The following SLC9A2 variants were observed in gnomAD, a reference collection of about 807,000 sequenced individuals.
The protein encoded by SLC9A2 is sodium/hydrogen exchanger 2.
In SLC9A2, 42 loss-of-function variants were observed where a neutral mutation model predicts 71.7. That is an observed-to-expected ratio of 0.59 (90% CI 0.46 to 0.76). The LOEUF (loss-of-function observed/expected upper bound fraction) is 0.76. SLC9A2 is among the 30% of genes least tolerant of loss of function. The probability of loss-of-function intolerance (pLI) is 0.00; values close to 1 mark genes in which losing one functional copy is unlikely to be tolerated. For missense variants in SLC9A2, 829 were observed against 1,017.4 expected (o/e 0.81, Z 2.52); for synonymous variants, 396 against 392.5 (o/e 1.01, Z -0.10).
rs1399930871 is a variant in SLC9A2, at chr2:102,619,967, C to T, written c.119C>T (p.Pro40Leu). 11 of 1,613,020 alleles carry T rather than the reference C, an allele frequency of 6.8e-6. No homozygotes were observed. The highest frequency in any genetic ancestry group is 2.2e-5 in the East Asian group (1 of 44,832). ...GALAETLLNA[P>L]RAMGTSSSPP... is the part of the protein sequence containing the mutation. ...CTGGCGGAGACCTTGCTGAACGCGCCGAGGGCCATGGGCACCAGTTCCAGC... is the reference window on the plus strand; with the variant it reads ...CTGGCGGAGACCTTGCTGAACGCGCTGAGGGCCATGGGCACCAGTTCCAGC... The change falls in exon 1 of 12, where the codon CCG becomes CTG. Residue 40 changes from proline to leucine, a missense_variant. Physicochemically the swap from Pro to Leu is moderately conservative, Grantham distance 98. This residue lies in a region of SLC9A2 where 106 missense variants were observed against 93.5 expected (regional missense o/e 1.13). Transcript: ENST00000233969. This position sits in a 1 kb window ranked among gnomAD's most constrained non-coding sequence, Gnocchi z 4.3.
rs1391317758 is a variant in SLC9A2, at chr2:102,694,528, T to C, written c.1515+25T>C. The C allele has an allele frequency of 4.1e-6, 5 of 1,205,576 alleles. No homozygotes were observed. In the East Asian group the frequency reaches 1.2e-4, roughly 29 times the overall value. The allele number at this position is 1,205,576 out of a possible 1,614,324, so 74.7% of individuals were successfully genotyped here. A position where few individuals can be genotyped will look rare whatever the true frequency, so the allele number is the denominator to read the frequency against. On this transcript the variant is annotated intron_variant, in intron 6 of 11. Coordinates refer to ENST00000233969, the MANE Select transcript of SLC9A2 (RefSeq NM_003048.6). Reference sequence around the variant, plus strand: ...GGTAGGTGTTAAGAGAGTGTAATAATTTTAATGATAAAGGAAAAATATTTG... The same window carrying C: ...GGTAGGTGTTAAGAGAGTGTAATAACTTTAATGATAAAGGAAAAATATTTG...
rs1677715676 is a variant in SLC9A2, at chr2:102,694,468, AAAC to A, written c.1486_1488del (p.Gln496del). 6.5e-7 allele frequency: 1 copy of A among 1,544,536 alleles called. No individual in the cohort carries two copies. The highest frequency in any genetic ancestry group is 8.8e-7 in the Non-Finnish European group (1 of 1,135,244). On this transcript the variant is annotated inframe_deletion, in exon 6 of 12. Coordinates refer to ENST00000233969, the MANE Select transcript of SLC9A2 (RefSeq NM_003048.6). ...TCTTGATGTCAAGAGGTCCAATAAG[AAAC>A]AACAAGCTGTCAGTGAAGAAATCTA...
chr2:102,673,602 C>G (rs1677294616), intron 3 of SLC9A2, among the ~76,000 whole-genome samples: 1 of 152,012 alleles, frequency 6.6e-6, no homozygotes, highest in Non-Finnish European at 1.5e-5. Context: ...GAAAATGCTG[C>G]CATCACTTTG....
chr2:102,709,821 T>C lies in SLC9A2; in HGVS notation c.*1332T>C, dbSNP rs967539124. The stretch of plus-strand genomic sequence containing the variant: ...CCTGTTTTTTTTTTCTAAATAATTC[T>C]TTAAAACTTGACTGGAACATGCCTC... On this transcript the variant is annotated 3_prime_UTR_variant, in exon 12 of 12. Coordinates refer to ENST00000233969, the MANE Select transcript of SLC9A2 (RefSeq NM_003048.6). 4 of 152,450 alleles carry C rather than the reference T, an allele frequency of 2.6e-5. No homozygotes were observed. The highest frequency in any genetic ancestry group is 6.5e-5 in the Admixed American group (1 of 15,274). 9.4% of individuals were successfully genotyped at this position (152,450 alleles called of 1,614,324 possible).
At position 102,709,055 on chromosome 2, in the gene SLC9A2, G is replaced by A. The variant is rs987270698; in HGVS notation, c.*566G>A. The A allele has an allele frequency of 1.3e-5, 2 of 153,360 alleles. No homozygotes were observed. The highest frequency in any genetic ancestry group is 2.9e-5 in the Non-Finnish European group (2 of 68,844). The allele number at this position is 153,360 out of a possible 1,614,324, so 9.5% of individuals were successfully genotyped here. On this transcript the variant is annotated 3_prime_UTR_variant, in exon 12 of 12. Coordinates refer to ENST00000233969, the MANE Select transcript of SLC9A2 (RefSeq NM_003048.6). ...GCAGAGACACCTTATGACTCAAACTGGGCAAACAATCGGAACGTCATGCAG... is the reference window on the plus strand; with the variant it reads ...GCAGAGACACCTTATGACTCAAACTAGGCAAACAATCGGAACGTCATGCAG...
chr2:102,643,801 T>G (rs900762326), intron 1 of SLC9A2, among the ~76,000 whole-genome samples: 1 of 152,188 alleles, frequency 6.6e-6, no homozygotes, highest in African/African-American at 2.4e-5. Flanking sequence ...ATGGAGGTCT[T>G]ACTATGTTTC....
intron 7 of SLC9A2, among the ~76,000 whole-genome samples, chr2:102,697,879 C>A (rs1343744883): frequency 6.6e-6 from 1 of 151,794 alleles, no homozygotes; most frequent in Non-Finnish European, 1.5e-5. Flanking sequence ...ATTCTTGAGG[C>A]ATTTGATCCT....
chr2:102,670,715 A>G (rs1255318560), intron 3 of SLC9A2, among the ~76,000 whole-genome samples: 1 of 152,026 alleles, frequency 6.6e-6, no homozygotes, highest in Non-Finnish European at 1.5e-5. Flanking sequence ...ATCCAGGAGT[A>G]GTTCCAGCTT....
At position 102,622,358 on chromosome 2, in the gene SLC9A2, T is replaced by C. The variant is rs111768131; in HGVS notation, c.289+2221T>C. On this transcript the variant is annotated intron_variant, in intron 1 of 11. Coordinates refer to ENST00000233969, the MANE Select transcript of SLC9A2 (RefSeq NM_003048.6). The stretch of plus-strand genomic sequence containing the variant: ...TCTCTGAGCCTCAAGGCTCCATCGC[T>C]GGAGGGCTGCTTCTGTGCCTGTTTC... Among the ~76,000 whole-genome samples, 547 of 152,312 alleles carry C rather than the reference T, an allele frequency of 3.6e-3. 2 individuals are homozygous for C. Among genetic ancestry groups the C allele is most frequent in the African/African-American group, 0.012 (511 of 41,566 alleles).
intron 1 of SLC9A2, among the ~76,000 whole-genome samples, chr2:102,649,383 C>T (rs191498880): frequency 0.011 from 1,687 of 152,206 alleles, 33 homozygotes; most frequent in African/African-American, 0.039. Flanking sequence ...AGAAGAAAAC[C>T]GAGGCAATAC....
At chr2:102,634,955 C>G (rs1020086871) in intron 1 of SLC9A2, among the ~76,000 whole-genome samples, 1 of 152,106 alleles carries the variant, frequency 6.6e-6, no homozygotes, top group Non-Finnish European at 1.5e-5. Flanking sequence ...TGGGTCTCCT[C>G]TGTGTTATCA....
intron 3 of SLC9A2, among the ~76,000 whole-genome samples, chr2:102,678,599 T>C (rs1677388878): frequency 6.6e-6 from 1 of 152,194 alleles, no homozygotes; most frequent in Non-Finnish European, 1.5e-5. Flanking sequence ...CATGTGTTCA[T>C]GTGATGGAGG....
intron 1 of SLC9A2, among the ~76,000 whole-genome samples, chr2:102,632,051 CATATATAT>C (rs1198957583): frequency 2.8e-4 from 31 of 109,582 alleles, no homozygotes; most frequent in African/African-American, 1.3e-3. Context: ...TACACACACA[CATATATAT>C]ACACACACAT....
chr2:102,629,200 C>T (rs1676310032), intron 1 of SLC9A2, among the ~76,000 whole-genome samples: 1 of 151,932 alleles, frequency 6.6e-6, no homozygotes. Flanking sequence ...TCAATTTTTG[C>T]TTTGTTTTGA....
rs183412555 is a variant in SLC9A2, at chr2:102,632,280, A to G, written c.289+12143A>G. Among the ~76,000 whole-genome samples the G allele has an allele frequency of 9.0e-3, 1,317 of 146,690 alleles. 17 individuals carry two copies. Among genetic ancestry groups the G allele is most frequent in the African/African-American group, 0.032 (1,266 of 40,012 alleles). The stretch of plus-strand genomic sequence containing the variant: ...TTTGCCCTATCTGTTTAATATTTCC[A>G]TAAGGATAATATAAGATTGCCTGCA... On this transcript the variant is annotated intron_variant, in intron 1 of 11. Transcript: ENST00000233969.
At chr2:102,683,108 G>A (rs6708870) in intron 3 of SLC9A2, among the ~76,000 whole-genome samples, 153 bp from the exon 4 acceptor site, 11,842 of 152,152 alleles carry the variant, frequency 0.078, 1,043 homozygotes, top group African/African-American at 0.22. Flanking sequence ...TCCGAGGTTT[G>A]CATGCAAATC....
intron 1 of SLC9A2, among the ~76,000 whole-genome samples, chr2:102,650,915 T>C (rs1426034686): frequency 3.9e-5 from 6 of 152,206 alleles, no homozygotes; most frequent in Non-Finnish European, 7.3e-5. Flanking sequence ...TTAAGCTCCA[T>C]GGTATGTTTT....
Position 102,657,926 on chromosome 2 carries a change from G to C in SLC9A2, c.652G>C (p.Asp218His), listed in dbSNP as rs1320324086. 1 of 1,614,154 alleles carries C rather than the reference G, an allele frequency of 6.2e-7. No individual in the cohort carries two copies. Among genetic ancestry groups the C allele is most frequent in the Non-Finnish European group, 8.5e-7 (1 of 1,180,028 alleles). ...LLFGSLISAV[D>H]PVAVLAVFEN... ...CTTTGGCAGCTTAATCTCAGCTGTCGATCCTGTGGCTGTGCTTGCTGTCTT... is the reference window on the plus strand; with the variant it reads ...CTTTGGCAGCTTAATCTCAGCTGTCCATCCTGTGGCTGTGCTTGCTGTCTT... Residue 218 changes from aspartate (D) to histidine (H), a missense_variant, in exon 2 of 12, where the codon GAT becomes CAT. Asp to His is a moderately conservative substitution (Grantham distance 81). Coordinates refer to ENST00000233969, the MANE Select transcript of SLC9A2 (RefSeq NM_003048.6).
chr2:102,688,196 A>T (rs1677588051), intron 5 of SLC9A2, among the ~76,000 whole-genome samples: 1 of 152,156 alleles, frequency 6.6e-6, no homozygotes, highest in South Asian at 2.1e-4. Flanking sequence ...CATACATGTA[A>T]ATTATATTCA....
Sources: allele counts gnomAD v4.1 joint callset (sites outside exome capture counted in the v4.1 genomes callset), GRCh38; gene constraint gnomAD v4.1.1; regional missense constraint gnomAD v4.1.1; non-coding constraint Gnocchi (gnomAD v3.1); transcripts MANE v1.5; gene names NCBI Gene and HGNC (gene_info 2026-07-23, HGNC 2026-07-21).